Variants in LRRC4C observed in about 807,000 individuals in gnomAD.
LRRC4C encodes leucine rich repeat containing 4C.
A neutral mutation model predicts 33.6 loss-of-function variants in LRRC4C; 5 were observed. That is an observed-to-expected ratio of 0.15 (90% CI 0.08 to 0.31). The LOEUF (loss-of-function observed/expected upper bound fraction) is 0.31. LRRC4C is among the 10% of genes least tolerant of loss of function. The pLI is 1.00. For missense variants in LRRC4C, 560 were observed against 796.7 expected, an observed-to-expected ratio of 0.70 and a Z score of 3.58; for synonymous variants, 329 against 302.0, an observed-to-expected ratio of 1.09 and a Z score of -0.93.
At chr11:40,121,689 G>A (rs1265085945) in intron 6 of LRRC4C, among the ~76,000 whole-genome samples, 1 of 152,194 alleles carries the variant, frequency 6.6e-6, no homozygotes, top group Non-Finnish European at 1.5e-5. Flanking sequence ...TGCACTGAGA[G>A]CTGCAGTGAG....
chr11:40,394,960 A>G lies in LRRC4C; in HGVS notation c.-269-75239T>C, dbSNP rs1260795823. On this transcript the variant is annotated intron_variant, in intron 3 of 6. Transcript: ENST00000528697. ...TTGAGACTTTACCAATTATCCAACT[A>G]TTGGCCTTCAGAAACTGAATTATTT... is the stretch of plus-strand genomic sequence containing the variant. Among the ~76,000 whole-genome samples, 4 of 152,090 alleles carry G rather than the reference A, an allele frequency of 2.6e-5. No individual in the cohort carries two copies. In the East Asian group the frequency reaches 7.7e-4, roughly 29 times the overall value.
At chr11:40,667,272 C>T (rs1172918671) in intron 2 of LRRC4C, among the ~76,000 whole-genome samples, 2 of 152,198 alleles carry the variant, frequency 1.3e-5, no homozygotes, top group Non-Finnish European at 2.9e-5. Context: ...TGCAGAAACA[C>T]ATACTCTACA....
intron 1 of LRRC4C, among the ~76,000 whole-genome samples, chr11:41,036,353 C>T (rs1048066631): frequency 1.3e-5 from 2 of 152,074 alleles, no homozygotes; most frequent in Admixed American, 6.6e-5. Context: ...TGAATAATGA[C>T]CCAAAGGGAA....
At chr11:40,846,566 T>C (rs1374443802) in intron 2 of LRRC4C, among the ~76,000 whole-genome samples, 1 of 152,174 alleles carries the variant, frequency 6.6e-6, no homozygotes, top group Non-Finnish European at 1.5e-5. Flanking sequence ...TTCCATGCTG[T>C]TTTGGTTGCT....
At chr11:40,162,770 C>A (rs1455445945) in intron 5 of LRRC4C, among the ~76,000 whole-genome samples, 1 of 152,152 alleles carries the variant, frequency 6.6e-6, no homozygotes, top group Non-Finnish European at 1.5e-5. Context: ...ATAACTCAGT[C>A]AAAGTTAGCA....
At chr11:41,172,597 C>T (rs962564455) in intron 1 of LRRC4C, among the ~76,000 whole-genome samples, 3 of 152,114 alleles carry the variant, frequency 2.0e-5, no homozygotes, top group Non-Finnish European at 4.4e-5. Context: ...TATTATTTCT[C>T]AGCTCTTACA....
chr11:40,496,075 C>A (rs1954439596), intron 3 of LRRC4C, among the ~76,000 whole-genome samples: 1 of 152,046 alleles, frequency 6.6e-6, no homozygotes, highest in African/African-American at 2.4e-5. Context: ...GGGTGATCTG[C>A]TCACCTTGGC....
intron 3 of LRRC4C, among the ~76,000 whole-genome samples, chr11:40,646,869 A>T (rs953378446): frequency 2.6e-5 from 4 of 152,028 alleles, no homozygotes; most frequent in Non-Finnish European, 5.9e-5. Flanking sequence ...GCCTCCCAAA[A>T]TGCTGGGATT....
chr11:41,450,180 T>C (rs1190515481), intron 1 of LRRC4C, among the ~76,000 whole-genome samples: 1 of 152,230 alleles, frequency 6.6e-6, no homozygotes, highest in East Asian at 1.9e-4. Flanking sequence ...ACACTAGAGA[T>C]GCTTGGACCA....
At chr11:40,806,557 C>T (rs1023365624) in intron 2 of LRRC4C, among the ~76,000 whole-genome samples, 1 of 152,210 alleles carries the variant, frequency 6.6e-6, no homozygotes, top group South Asian at 2.1e-4. Flanking sequence ...CACAATGACC[C>T]CCTCCTTTTC....
intron 1 of LRRC4C, among the ~76,000 whole-genome samples, chr11:41,007,626 T>A (rs1286233123): frequency 6.6e-6 from 1 of 152,120 alleles, no homozygotes; most frequent in Non-Finnish European, 1.5e-5. Flanking sequence ...ACAAGGCAAA[T>A]CCATGATGTC....
Position 40,983,746 on chromosome 11 carries a change from C to A in LRRC4C, c.-495-50023G>T, listed in dbSNP as rs185831282. Among the ~76,000 whole-genome samples, 554 of 152,056 alleles carry A rather than the reference C, an allele frequency of 3.6e-3. 1 individual carries two copies. The highest frequency in any genetic ancestry group is 5.0e-3 in the Non-Finnish European group (340 of 67,962). ...GGCTAATAAGTGTATGAAAAAAAGC[C>A]CAACATCCCTGATCATTAGAGAAAT... is the stretch of plus-strand genomic sequence containing the variant. On this transcript the variant is annotated intron_variant, in intron 1 of 6. Transcript: ENST00000528697.
chr11:40,506,599 T>G (rs1208213404), intron 3 of LRRC4C, among the ~76,000 whole-genome samples: 1 of 152,108 alleles, frequency 6.6e-6, no homozygotes, highest in African/African-American at 2.4e-5. Context: ...TCTCAAGGTT[T>G]AATCATGAAA....
chr11:40,289,931 T>G (rs538048447), intron 4 of LRRC4C, among the ~76,000 whole-genome samples: 1 of 152,284 alleles, frequency 6.6e-6, no homozygotes, highest in South Asian at 2.1e-4. Context: ...GAAAGTTGCA[T>G]GTATACATTA....
intron 1 of LRRC4C, among the ~76,000 whole-genome samples, chr11:41,231,996 G>A (rs1028806551): frequency 1.3e-5 from 2 of 151,372 alleles, no homozygotes; most frequent in Non-Finnish European, 2.9e-5. Context: ...TTTTCATAGG[G>A]TTCTATACCA....
chr11:41,429,962 G>A (rs1014394983), intron 1 of LRRC4C, among the ~76,000 whole-genome samples: 1 of 152,074 alleles, frequency 6.6e-6, no homozygotes, highest in Admixed American at 6.6e-5. Context: ...TGGTTAGAGA[G>A]GATCAATCAT....
At chr11:40,791,522 CACTA>C (rs546480372) in intron 2 of LRRC4C, among the ~76,000 whole-genome samples, 29 of 152,298 alleles carry the variant, frequency 1.9e-4, no homozygotes, top group Middle Eastern at 6.8e-3. Flanking sequence ...GTTTTGTAAT[CACTA>C]AGCACTATGG....
intron 5 of LRRC4C, among the ~76,000 whole-genome samples, chr11:40,149,707 G>T (rs968100059): frequency 3.9e-5 from 6 of 152,054 alleles, no homozygotes; most frequent in Non-Finnish European, 7.4e-5. Context: ...GTAAATTCAA[G>T]AATGATAAGA....
intron 1 of LRRC4C, among the ~76,000 whole-genome samples, chr11:41,376,597 A>G (rs1285761334): frequency 6.6e-6 from 1 of 152,188 alleles, no homozygotes; most frequent in Non-Finnish European, 1.5e-5. Flanking sequence ...ATAACTCTCT[A>G]AAGAGATATT....
Sources: gnomAD v4.1 joint callset for allele counts (sites outside exome capture counted in the v4.1 genomes callset) on GRCh38, gnomAD v4.1.1 for gene constraint, MANE v1.5 for transcripts, NCBI Gene and HGNC (gene_info 2026-07-23, HGNC 2026-07-21) for gene names.